CLYBL: variants seen among roughly 807,000 people sequenced by gnomAD.
The protein encoded by CLYBL is citramalyl-CoA lyase, also known as citramalyl-CoA lyase, mitochondrial.
Under a neutral mutation model 38.9 loss-of-function variants are expected in CLYBL, and 31 were observed. The observed-to-expected ratio is 0.80, with a 90% CI of 0.60 to 1.08. The LOEUF is 1.08. CLYBL is among the 50% of genes least tolerant of loss of function. The pLI is 0.00. For synonymous variants in CLYBL, 171 were observed against 158.6 expected (o/e 1.08, Z -0.59); for missense variants, 434 against 411.6 (o/e 1.05, Z -0.47).
chr13:99,770,048 G>T (rs1334652208), intron 1 of CLYBL, among the ~76,000 whole-genome samples: 1 of 151,258 alleles, frequency 6.6e-6, no homozygotes, highest in East Asian at 1.9e-4. Flanking sequence ...AGTTTGCCAG[G>T]GTTTTAACTT....
chr13:99,805,671 C>T (rs1249289236), intron 2 of CLYBL, among the ~76,000 whole-genome samples: 1 of 152,084 alleles, frequency 6.6e-6, no homozygotes, highest in African/African-American at 2.4e-5. Context: ...ATTTAATCAT[C>T]AAAACAACTC....
intron 1 of CLYBL, among the ~76,000 whole-genome samples, chr13:99,757,327 CAGTT>C (rs1326531727): frequency 2.9e-4 from 44 of 152,136 alleles, no homozygotes; most frequent in African/African-American, 9.9e-4. Flanking sequence ...GCATTTGACT[CAGTT>C]AGAAATTTTT....
chr13:99,874,556 G>T (rs1179149750), intron 7 of CLYBL, among the ~76,000 whole-genome samples: 3 of 151,872 alleles, frequency 2.0e-5, no homozygotes, highest in African/African-American at 4.8e-5. Flanking sequence ...TATCAATAAA[G>T]AATTTTATAT....
chr13:99,836,941 A>G (rs1256927410), intron 2 of CLYBL, among the ~76,000 whole-genome samples: 2 of 152,164 alleles, frequency 1.3e-5, no homozygotes, highest in African/African-American at 2.4e-5. Flanking sequence ...CTAATGCTAA[A>G]TGACAAGTTA....
intron 1 of CLYBL, among the ~76,000 whole-genome samples, chr13:99,714,130 A>G (rs1404524991): frequency 3.3e-5 from 5 of 151,986 alleles, no homozygotes; most frequent in African/African-American, 4.8e-5. Context: ...TTTATAAATG[A>G]TATTTTATTC....
At chr13:99,793,068 A>ACACACACAC (rs1566329333) in intron 2 of CLYBL, among the ~76,000 whole-genome samples, 2 of 149,568 alleles carry the variant, frequency 1.3e-5, no homozygotes, top group Admixed American at 6.7e-5. Flanking sequence ...ACACACACAC[A>ACACACACAC]AAGTACGTAG....
chr13:99,617,628 C>CA (rs1304751561), intron 1 of CLYBL, among the ~76,000 whole-genome samples: 4 of 52,878 alleles, frequency 7.6e-5, no homozygotes, highest in Admixed American at 5.9e-4. Context: ...AGGCTGCCCT[C>CA]ACGAACGCCT....
chr13:99,624,010 G>A (rs889902572), intron 1 of CLYBL, among the ~76,000 whole-genome samples: 14 of 151,434 alleles, frequency 9.2e-5, no homozygotes, highest in African/African-American at 2.2e-4. Context: ...TAGGTATGGC[G>A]TGTATGTAGT....
intron 1 of CLYBL, among the ~76,000 whole-genome samples, chr13:99,715,061 T>C (rs569344595): frequency 6.9e-4 from 105 of 152,318 alleles, no homozygotes; most frequent in African/African-American, 2.3e-3. Flanking sequence ...GCCCACCAGC[T>C]TCACCAGAGG....
At chr13:99,833,020 ATATATATATATTTTTTTTTTTT>A (rs1594210251) in intron 2 of CLYBL, among the ~76,000 whole-genome samples, 1 of 35,116 alleles carries the variant, frequency 2.8e-5, no homozygotes, top group African/African-American at 1.1e-4. Flanking sequence ...ATATATATAT[ATATATATATATTTTTTTTTTTT>A]TTTTTTTTTT....
At chr13:99,623,756 G>A (rs1362481117) in intron 1 of CLYBL, among the ~76,000 whole-genome samples, 2 of 151,884 alleles carry the variant, frequency 1.3e-5, no homozygotes, top group Admixed American at 6.6e-5. Flanking sequence ...TCAGGAGATC[G>A]AGACTATCCT....
In CLYBL at chr13:99,859,053, A is replaced by G. The variant is rs765382595; in HGVS notation, c.438+4A>G. On this transcript the variant is annotated splice_donor_region_variant and intron_variant, in intron 3 of 8. Transcript: ENST00000339105. ...AAGTCCTGAAGAAATCCAGTGGGTG[A>G]GTAGCTAATGCTTTGCCTTAAGACT... 3.1e-6 allele frequency: 5 copies of G among 1,610,492 alleles called. No individual in the cohort carries two copies. Among genetic ancestry groups the G allele is most frequent in the Non-Finnish European group, 4.2e-6 (5 of 1,178,558 alleles).
chr13:99,664,619 G>T (rs930690806), intron 1 of CLYBL, among the ~76,000 whole-genome samples: 4 of 152,188 alleles, frequency 2.6e-5, no homozygotes, highest in African/African-American at 9.7e-5. Flanking sequence ...TCCTGGTTTT[G>T]TAGGTGAAGA....
chr13:99,643,013 G>A (rs2047119417), intron 1 of CLYBL: 1 of 153,832 alleles, frequency 6.5e-6, no homozygotes, highest in African/African-American at 2.4e-5. Flanking sequence ...CTTGCTGGGT[G>A]AGGCCTGCAT....
At chr13:99,654,985 G>A (rs2047309233) in intron 1 of CLYBL, among the ~76,000 whole-genome samples, 1 of 152,028 alleles carries the variant, frequency 6.6e-6, no homozygotes, top group African/African-American at 2.4e-5. Flanking sequence ...TTCTTTCTGT[G>A]CAGTGGCTGA....
At chr13:99,612,147 C>T (rs1225958667) in intron 1 of CLYBL, among the ~76,000 whole-genome samples, 1 of 152,150 alleles carries the variant, frequency 6.6e-6, no homozygotes, top group African/African-American at 2.4e-5. Flanking sequence ...TGTCCTTCTT[C>T]ATCCTTGATA....
chr13:99,709,753 A>G (rs186191350), intron 1 of CLYBL, among the ~76,000 whole-genome samples: 1 of 152,202 alleles, frequency 6.6e-6, no homozygotes, highest in Admixed American at 6.5e-5. Context: ...ACTTTCGATG[A>G]GGAGCGTTTA....
At chr13:99,846,254 A>T (rs1192370864) in intron 2 of CLYBL, among the ~76,000 whole-genome samples, 1 of 150,284 alleles carries the variant, frequency 6.7e-6, no homozygotes, top group African/African-American at 2.4e-5. Flanking sequence ...ATGTTGATGG[A>T]TATTACCAAT....
chr13:99,809,510 G>A (rs1434327738), intron 2 of CLYBL, among the ~76,000 whole-genome samples: 2 of 152,246 alleles, frequency 1.3e-5, no homozygotes, highest in African/African-American at 4.8e-5. Flanking sequence ...AAAGTTGGGG[G>A]AAGGCATTCC....
Sources: gnomAD v4.1 joint callset for allele counts (sites outside exome capture counted in the v4.1 genomes callset) on GRCh38, gnomAD v4.1.1 for gene constraint, MANE v1.5 for transcripts, NCBI Gene and HGNC (gene_info 2026-07-23, HGNC 2026-07-21) for gene names.